The following ST13 variants were observed in gnomAD, a reference collection of about 807,000 sequenced individuals.
ST13 encodes ST13 Hsp70 interacting protein, also known as hsc70-interacting protein.
A neutral mutation model predicts 56.7 loss-of-function variants in ST13; 23 were observed. That is an observed-to-expected ratio of 0.41 (90% CI 0.29 to 0.57). The LOEUF is 0.57. Among genes scored for constraint, ST13 ranks in the 20% least tolerant of loss-of-function variants. The probability of loss-of-function intolerance (pLI) is 0.36; values close to 1 mark genes in which losing one functional copy is unlikely to be tolerated. For missense variants in ST13, 369 were observed against 459.9 expected (o/e 0.80, Z 1.81); for synonymous variants, 132 against 142.4 (o/e 0.93, Z 0.52).
intron 5 of ST13, among the ~76,000 whole-genome samples, chr22:40,836,267 G>A (rs1181956387): frequency 2.6e-5 from 4 of 152,150 alleles, no homozygotes; most frequent in Admixed American, 1.3e-4. Flanking sequence ...TGGCTAACAC[G>A]GTGAAACTCC....
intron 5 of ST13, among the ~76,000 whole-genome samples, chr22:40,837,422 C>T (rs184118360): frequency 2.0e-5 from 3 of 152,216 alleles, no homozygotes; most frequent in South Asian, 2.1e-4. Context: ...TCAAGACCAG[C>T]CTGACCAACA....
chr22:40,846,716 G>C (rs1271749167), intron 3 of ST13, among the ~76,000 whole-genome samples: 1 of 152,206 alleles, frequency 6.6e-6, no homozygotes, highest in African/African-American at 2.4e-5. Context: ...ATTCAGGCCA[G>C]GCGTGGTGGC....
At chr22:40,841,403 T>C (rs1333321238) in intron 4 of ST13, among the ~76,000 whole-genome samples, 1 of 151,658 alleles carries the variant, frequency 6.6e-6, no homozygotes, top group East Asian at 1.9e-4. Context: ...AACAAAGAGT[T>C]ATAGCAAACA....
chr22:40,827,006 TAGC>T, intron 11 of ST13, 87 bp downstream of exon 11: 1 of 1,389,824 alleles, frequency 7.2e-7, no homozygotes, highest in East Asian at 2.3e-5. Context: ...AAATAAAAAA[TAGC>T]TATGAGAGTA....
intron 1 of ST13, among the ~76,000 whole-genome samples, chr22:40,855,855 T>A (rs1173416576): frequency 1.4e-5 from 2 of 146,722 alleles, no homozygotes; most frequent in Non-Finnish European, 2.9e-5. Flanking sequence ...CAGACGTGTT[T>A]GGAGTGATAA....
intron 5 of ST13, among the ~76,000 whole-genome samples, chr22:40,837,410 G>A (rs191829444): frequency 6.6e-6 from 1 of 152,152 alleles, no homozygotes; most frequent in Non-Finnish European, 1.5e-5. Flanking sequence ...GAGGTCGGGA[G>A]TTCAAGACCA....
intron 4 of ST13, among the ~76,000 whole-genome samples, chr22:40,841,552 A>G (rs2057804598): frequency 6.6e-6 from 1 of 152,150 alleles, no homozygotes; most frequent in African/African-American, 2.4e-5. Context: ...CCTGGGCAAT[A>G]TGGCGAAACT....
At position 40,840,644 on chromosome 22, in the gene ST13, TAGC is replaced by T. The variant is rs1319592431; in HGVS notation, c.361_363del (p.Ala121del). 1 of 1,610,188 alleles carries T rather than the reference TAGC, an allele frequency of 6.2e-7. No individual in the cohort carries two copies. Among genetic ancestry groups the T allele is most frequent in the South Asian group, 1.1e-5 (1 of 90,428 alleles). ...TACTCACCATCATTTAGGGCTTCAA[TAGC>T]AGCCACTTTTTTATCATTTGCCTGA... On this transcript the variant is annotated inframe_deletion, in exon 5 of 12. Transcript: ENST00000216218.
At chr22:40,832,273 T>C in intron 8 of ST13, 1 of 487,450 alleles carries the variant, frequency 2.1e-6, no homozygotes, top group Non-Finnish European at 4.1e-6. Context: ...TTATAGATTT[T>C]CTATTTGTTT....
At chr22:40,849,706 T>C (rs2057851491) in intron 2 of ST13, among the ~76,000 whole-genome samples, 1 of 151,964 alleles carries the variant, frequency 6.6e-6, no homozygotes, top group Non-Finnish European at 1.5e-5. Flanking sequence ...TAGCAAAATA[T>C]CTAGGGCTCA....
chr22:40,838,138 T>C (rs1602654717), intron 5 of ST13, among the ~76,000 whole-genome samples: 1 of 152,202 alleles, frequency 6.6e-6, no homozygotes, highest in African/African-American at 2.4e-5. Flanking sequence ...TACTCAATGA[T>C]GCTGTTGTAG....
chr22:40,839,911 G>A (rs2057794929), intron 5 of ST13, among the ~76,000 whole-genome samples: 1 of 152,156 alleles, frequency 6.6e-6, no homozygotes, highest in Non-Finnish European at 1.5e-5. Flanking sequence ...AGCACTTTGG[G>A]AGGCTGAGGC....
At chr22:40,836,568 TAGAA>T (rs2145737639) in intron 5 of ST13, among the ~76,000 whole-genome samples, 1 of 152,288 alleles carries the variant, frequency 6.6e-6, no homozygotes, top group Non-Finnish European at 1.5e-5. Context: ...AAATTAAGCT[TAGAA>T]AGGAAAAGTA....
At chr22:40,852,247 A>AC (rs2057865392) in intron 1 of ST13, among the ~76,000 whole-genome samples, 2 of 152,244 alleles carry the variant, frequency 1.3e-5, no homozygotes, top group Non-Finnish European at 2.9e-5. Flanking sequence ...TGTCCATCTT[A>AC]AAGATTTTTT....
chr22:40,853,589 G>A (rs1185114797), intron 1 of ST13, among the ~76,000 whole-genome samples: 1 of 152,036 alleles, frequency 6.6e-6, no homozygotes, highest in Non-Finnish European at 1.5e-5. Context: ...TTCTCACATA[G>A]GACCACATAA....
chr22:40,833,542 G>T (rs1266047793), intron 7 of ST13, among the ~76,000 whole-genome samples: 22 of 147,460 alleles, frequency 1.5e-4, no homozygotes, highest in African/African-American at 5.5e-4. Context: ...TCTAGCCTGG[G>T]TGACAGAGGA....
At chr22:40,840,726 T>TAG (rs199774761) in intron 4 of ST13, 34 bp from the exon 5 acceptor site, 54 of 1,566,166 alleles carry the variant, frequency 3.4e-5, no homozygotes, top group Non-Finnish European at 4.2e-5. Context: ...TTAGAATTAG[T>TAG]AGAGAGAGAG....
At chr22:40,844,373 A>T (rs1241206509) in intron 4 of ST13, among the ~76,000 whole-genome samples, 2 of 152,118 alleles carry the variant, frequency 1.3e-5, no homozygotes, top group Non-Finnish European at 2.9e-5. Flanking sequence ...TCATTTCCAT[A>T]TCCCCAATTT....
chr22:40,837,012 C>T (rs2057780700), intron 5 of ST13, among the ~76,000 whole-genome samples: 1 of 152,170 alleles, frequency 6.6e-6, no homozygotes, highest in African/African-American at 2.4e-5. Flanking sequence ...GACTGGGCCT[C>T]ACTGTGTCAC....
Sources: allele counts gnomAD v4.1 joint callset (sites outside exome capture counted in the v4.1 genomes callset), GRCh38; gene constraint gnomAD v4.1.1; transcripts MANE v1.5; gene names NCBI Gene and HGNC (gene_info 2026-07-23, HGNC 2026-07-21).